The following AKAP6 variants were observed in gnomAD, a reference collection of about 807,000 sequenced individuals.
AKAP6 encodes the protein A-kinase anchoring protein 6.
AKAP6 carries 58 observed loss-of-function variants against 188.5 expected under a neutral mutation model. The ratio of observed to expected loss-of-function variants is 0.31; its 90% CI spans 0.25 to 0.38. AKAP6 has a LOEUF of 0.38. AKAP6 is among the 10% of genes least tolerant of loss of function. The probability of loss-of-function intolerance (pLI) is 1.00; values close to 1 mark genes in which losing one functional copy is unlikely to be tolerated. For missense variants in AKAP6, 2,710 were observed against 2,740.0 expected (o/e 0.99, Z 0.24); for synonymous variants, 989 against 998.6 (o/e 0.99, Z 0.18).
chr14:32,521,200 G>A (rs1381251712), intron 2 of AKAP6, among the ~76,000 whole-genome samples: 3 of 152,032 alleles, frequency 2.0e-5, no homozygotes, highest in South Asian at 2.1e-4. Context: ...AATAATAAGA[G>A]CTATTTATGA....
Position 32,365,003 on chromosome 14 carries a change from A to T in AKAP6, c.-35+35595A>T, listed in dbSNP as rs529617082. ...CTAGACCAACCCCCTTACTTTACAT[A>T]AGAGGAAGCTGACACTCAAGGAGTC... On this transcript the variant is annotated intron_variant, in intron 1 of 13. Coordinates refer to ENST00000280979, the MANE Select transcript of AKAP6 (RefSeq NM_004274.5). Among the ~76,000 whole-genome samples, 12 of 152,270 alleles carry T rather than the reference A, an allele frequency of 7.9e-5. 1 individual carries two copies. Among genetic ancestry groups the T allele is most frequent in the African/African-American group, 2.9e-4 (12 of 41,566 alleles).
chr14:32,434,397 G>A (rs1890317456), intron 2 of AKAP6, among the ~76,000 whole-genome samples: 1 of 152,196 alleles, frequency 6.6e-6, no homozygotes, highest in Non-Finnish European at 1.5e-5. Context: ...CCCTTTAAAA[G>A]CCTGACTGTT....
At chr14:32,577,947 T>C (rs922664460) in intron 5 of AKAP6, among the ~76,000 whole-genome samples, 2 of 152,142 alleles carry the variant, frequency 1.3e-5, no homozygotes, top group African/African-American at 4.8e-5. Flanking sequence ...TGGAGTGTGA[T>C]AAAGCATGAA....
chr14:32,685,386 G>A (rs928064230), intron 8 of AKAP6, among the ~76,000 whole-genome samples: 4 of 152,062 alleles, frequency 2.6e-5, no homozygotes, highest in African/African-American at 9.7e-5. Context: ...GTGGAGGAGG[G>A]AACATCTGAG....
intron 7 of AKAP6, among the ~76,000 whole-genome samples, chr14:32,657,503 C>G (rs975587847): frequency 6.6e-6 from 1 of 152,074 alleles, no homozygotes. Context: ...TAGATTTAAA[C>G]GAAAGCTCAT....
chr14:32,441,347 A>G (rs1257723788), intron 2 of AKAP6, among the ~76,000 whole-genome samples: 1 of 152,202 alleles, frequency 6.6e-6, no homozygotes, highest in Admixed American at 6.5e-5. Flanking sequence ...ACTAATAAAA[A>G]TGGTTGAAAT....
chr14:32,710,276 C>T (rs185504078), intron 9 of AKAP6, among the ~76,000 whole-genome samples: 5 of 151,084 alleles, frequency 3.3e-5, no homozygotes, highest in African/African-American at 7.3e-5. Flanking sequence ...TTATTTATGT[C>T]GGAGTGAGCA....
intron 2 of AKAP6, among the ~76,000 whole-genome samples, chr14:32,513,720 TA>T (rs1280914237): frequency 5.9e-5 from 9 of 152,228 alleles, no homozygotes; most frequent in African/African-American, 1.2e-4. Flanking sequence ...AGAAAAATTT[TA>T]AACATACAGA....
At chr14:32,711,383 C>G (rs188964555) in intron 9 of AKAP6, among the ~76,000 whole-genome samples, 1 of 152,044 alleles carries the variant, frequency 6.6e-6, no homozygotes, top group Admixed American at 6.6e-5. Flanking sequence ...ACTTCTCTGG[C>G]GGCTTGACTG....
intron 9 of AKAP6, among the ~76,000 whole-genome samples, chr14:32,728,392 A>ATCTG: frequency 6.8e-6 from 1 of 146,994 alleles, no homozygotes. Context: ...CTATCTATCT[A>ATCTG]TCAATCGTAT....
intron 1 of AKAP6, among the ~76,000 whole-genome samples, chr14:32,343,074 A>G (rs1354801326): frequency 6.6e-6 from 1 of 152,104 alleles, no homozygotes; most frequent in Non-Finnish European, 1.5e-5. Flanking sequence ...CGATTTTCCC[A>G]TGAGGAAGGC....
At chr14:32,652,364 C>T (rs974313375) in intron 7 of AKAP6, among the ~76,000 whole-genome samples, 11 of 151,992 alleles carry the variant, frequency 7.2e-5, no homozygotes, top group African/African-American at 2.4e-4. Context: ...TTTTCTATTT[C>T]CCCACCTGGC....
At chr14:32,594,309 T>A (rs922124810) in intron 5 of AKAP6, among the ~76,000 whole-genome samples, 2 of 152,220 alleles carry the variant, frequency 1.3e-5, no homozygotes, top group African/African-American at 4.8e-5. Flanking sequence ...AGTCTTTTTC[T>A]AAGTACTAAG....
chr14:32,518,737 A>G (rs1881657471), intron 2 of AKAP6, among the ~76,000 whole-genome samples: 1 of 152,230 alleles, frequency 6.6e-6, no homozygotes, highest in African/African-American at 2.4e-5. Flanking sequence ...CCTGAAAGTG[A>G]CGGGGAGAAT....
intron 9 of AKAP6, among the ~76,000 whole-genome samples, chr14:32,721,065 A>G (rs1234719538): frequency 6.6e-6 from 1 of 152,216 alleles, no homozygotes; most frequent in Non-Finnish European, 1.5e-5. Flanking sequence ...TCTGACAGAT[A>G]TTACATAATT....
chr14:32,362,349 G>T (rs1406856817), intron 1 of AKAP6, among the ~76,000 whole-genome samples: 1 of 152,146 alleles, frequency 6.6e-6, no homozygotes, highest in Non-Finnish European at 1.5e-5. Flanking sequence ...GTACTGTTAA[G>T]GGACACAGGT....
intron 5 of AKAP6, among the ~76,000 whole-genome samples, chr14:32,597,310 A>G (rs187053598): frequency 3.7e-4 from 57 of 152,182 alleles, no homozygotes; most frequent in South Asian, 8.3e-4. Flanking sequence ...GTAAACAGTG[A>G]ATCAAAGAGA....
intron 9 of AKAP6, among the ~76,000 whole-genome samples, chr14:32,723,216 C>T (rs1383771454): frequency 6.6e-6 from 1 of 152,200 alleles, no homozygotes; most frequent in Non-Finnish European, 1.5e-5. Flanking sequence ...TGTCTGTTGA[C>T]TCACATTGAA....
intron 1 of AKAP6, among the ~76,000 whole-genome samples, chr14:32,359,230 C>T (rs1887578229): frequency 6.6e-6 from 1 of 152,100 alleles, no homozygotes; most frequent in Non-Finnish European, 1.5e-5. Flanking sequence ...ATTTATCCTT[C>T]TGAGAGGAGC....
Sources: gnomAD v4.1 joint callset for allele counts (sites outside exome capture counted in the v4.1 genomes callset) on GRCh38, gnomAD v4.1.1 for gene constraint, MANE v1.5 for transcripts, NCBI Gene and HGNC (gene_info 2026-07-23, HGNC 2026-07-21) for gene names.